TMEM8B: variants seen among roughly 807,000 people sequenced by gnomAD.
TMEM8B encodes nasopharyngeal carcinoma expressed 6.
Under a neutral mutation model 49.3 loss-of-function variants are expected in TMEM8B, and 29 were observed. The observed-to-expected ratio is 0.59, with a 90% CI of 0.44 to 0.80. The LOEUF is 0.80. TMEM8B is among the 30% of genes least tolerant of loss of function. TMEM8B has a pLI of 0.00. For missense variants in TMEM8B, 575 were observed against 658.5 expected (o/e 0.87, Z 1.39); for synonymous variants, 264 against 272.8 (o/e 0.97, Z 0.32).
intron 10 of TMEM8B, among the ~76,000 whole-genome samples, chr9:35,851,076 T>G (rs1041994411): frequency 6.6e-6 from 1 of 152,204 alleles, no homozygotes; most frequent in Admixed American, 6.5e-5. Flanking sequence ...TAAACCAGTC[T>G]CTTAGGTGTA....
Position 35,861,795 on chromosome 9 carries a change from CA to C in TMEM8B, c.*7956del, listed in dbSNP as rs1275951745. 1 of 152,270 alleles carries C rather than the reference CA, an allele frequency of 6.6e-6. No individual in the cohort carries two copies. The highest frequency in any genetic ancestry group is 1.5e-5 in the Non-Finnish European group (1 of 68,084). 9.4% of individuals were successfully genotyped at this position (152,270 alleles called of 1,614,324 possible). A position where few individuals can be genotyped will look rare whatever the true frequency, so the allele number is the denominator to read the frequency against. On this transcript the variant is annotated 3_prime_UTR_variant, in exon 13 of 13. Coordinates refer to ENST00000643932, the MANE Select transcript of TMEM8B (RefSeq NM_001042590.4). The stretch of plus-strand genomic sequence containing the variant: ...CTGGATGGAGGATGGCATCCATCAT[CA>C]GCTACAGGTGCCTCCTCTATCTACA...
chr9:35,851,627 T>G (rs1038095126), intron 10 of TMEM8B, among the ~76,000 whole-genome samples: 5 of 152,214 alleles, frequency 3.3e-5, no homozygotes, highest in African/African-American at 1.2e-4. Flanking sequence ...AGTCTCTTTT[T>G]GCAGGAGCAA....
At chr9:35,851,243 C>T (rs1486402156) in intron 10 of TMEM8B, among the ~76,000 whole-genome samples, 1 of 150,844 alleles carries the variant, frequency 6.6e-6, no homozygotes, top group Non-Finnish European at 1.5e-5. Flanking sequence ...CTGCCCCCCA[C>T]CCCCGCCAAT....
chr9:35,831,392 G>C (rs1220414471), intron 1 of TMEM8B, among the ~76,000 whole-genome samples: 1 of 152,192 alleles, frequency 6.6e-6, no homozygotes, highest in Non-Finnish European at 1.5e-5. Flanking sequence ...TGGGGCTGGA[G>C]ACCCTTTCTC....
chr9:35,833,479 T>C (rs1196461185), intron 1 of TMEM8B: 1 of 411,108 alleles, frequency 2.4e-6, no homozygotes, highest in Non-Finnish European at 3.3e-6. Context: ...CTGTGACAGC[T>C]ATTCTAGTCC....
chr9:35,829,471 C>T lies in TMEM8B; in HGVS notation c.24C>T (p.Pro8=), dbSNP rs1245702667. 2 of 368,170 alleles carry T rather than the reference C, an allele frequency of 5.4e-6. No homozygotes were observed. The highest frequency in any genetic ancestry group is 9.7e-6 in the Non-Finnish European group (2 of 206,708). The allele number at this position is 368,170 out of a possible 1,614,324, so 22.8% of individuals were successfully genotyped here. A position where few individuals can be genotyped will look rare whatever the true frequency, so the allele number is the denominator to read the frequency against. Residue 8 remains proline (P), a synonymous_variant, in exon 1 of 13, where the codon CCC becomes CCT. Transcript: ENST00000643932. Reference sequence around the variant, plus strand: ...CCATGGCCCAGCCCTTGTCCCGGCCCCTCGTCCTATCCCAATCCCCGCCTT... The same window carrying T: ...CCATGGCCCAGCCCTTGTCCCGGCCTCTCGTCCTATCCCAATCCCCGCCTT... The part of the protein sequence containing the change: MAQPLSR[P]LVLSQSPPWP...
chr9:35,842,987 C>G lies in TMEM8B; in HGVS notation c.1635+270C>G, dbSNP rs183046180. Among the ~76,000 whole-genome samples, 1 of 152,310 alleles carries G rather than the reference C, an allele frequency of 6.6e-6. No homozygotes were observed. The highest frequency in any genetic ancestry group is 2.4e-5 in the African/African-American group (1 of 41,554). On this transcript the variant is annotated intron_variant, in intron 6 of 12. Transcript: ENST00000643932. This position sits in a 1 kb window ranked among gnomAD's most constrained non-coding sequence, Gnocchi z 5.6. ...CACTTCCTGCTCATTACTGGCCTTT[C>G]ACTACGGTAGTTGTTAACCTTTTCT...
In TMEM8B at chr9:35,829,280, A is replaced by T. The variant is rs2132173584; in HGVS notation, c.-168A>T. 1 of 360,178 alleles carries T rather than the reference A, an allele frequency of 2.8e-6. No homozygotes were observed. The highest frequency in any genetic ancestry group is 1.5e-4 in the South Asian group (1 of 6,776). The allele number at this position is 360,178 out of a possible 1,614,324, so 22.3% of individuals were successfully genotyped here. ...CGCGGGGCCTGGTTATCGCCGGTTC[A>T]GCGCAGCCCGGAGTCGCCCAGGCCT... On this transcript the variant is annotated 5_prime_UTR_variant, in exon 1 of 13. Coordinates refer to ENST00000643932, the MANE Select transcript of TMEM8B (RefSeq NM_001042590.4).
chr9:35,841,012 G>T lies in TMEM8B; in HGVS notation c.907-122G>T. On this transcript the variant is annotated intron_variant, in intron 3 of 12. Coordinates refer to ENST00000643932, the MANE Select transcript of TMEM8B (RefSeq NM_001042590.4). This position sits in a 1 kb window ranked among gnomAD's most constrained non-coding sequence, Gnocchi z 5.9. ...GGAATTTAGAGAGACCTGGGTTAGA[G>T]GCCTGGGAGTGGTGGCCGGGGCGGG... 1 of 410,706 alleles carries T rather than the reference G, an allele frequency of 2.4e-6. No individual in the cohort carries two copies. The allele number at this position is 410,706 out of a possible 1,614,324, so 25.4% of individuals were successfully genotyped here.
chr9:35,835,197 C>T lies in TMEM8B; in HGVS notation c.885C>T (p.Ala295=), dbSNP rs1404377657. The change falls in exon 3 of 13, where the codon GCC becomes GCT. Residue 295 remains alanine, a synonymous_variant. Transcript: ENST00000643932. ...DWFLAAHLPQ[A]HGHISVKGLQ... ...TCTTGGCTGCCCACCTTCCCCAGGC[C>T]CACGGCCACATCTCTGTCAAGGTGG... The T allele has an allele frequency of 4.8e-6, 2 of 415,810 alleles. No homozygotes were observed. The highest frequency in any genetic ancestry group is 7.1e-5 in the East Asian group (2 of 28,078). 25.8% of individuals were successfully genotyped at this position (415,810 alleles called of 1,614,324 possible). A position where few individuals can be genotyped will look rare whatever the true frequency, so the allele number is the denominator to read the frequency against.
intron 3 of TMEM8B, among the ~76,000 whole-genome samples, chr9:35,836,607 G>A (rs1414798989): frequency 6.6e-6 from 1 of 152,204 alleles, no homozygotes; most frequent in East Asian, 1.9e-4. Flanking sequence ...TACCAGATTG[G>A]GACAATGGGG....
Position 35,855,775 on chromosome 9 carries a change from A to G in TMEM8B, c.*1935A>G, listed in dbSNP as rs1347425198. On this transcript the variant is annotated 3_prime_UTR_variant, in exon 13 of 13. Transcript: ENST00000643932. Reference sequence around the variant, plus strand: ...CTTTTGAAACCCAAAAGCCAGGAAAACATGCCTTTGTTATCTGCTTTCTGC... The same window carrying G: ...CTTTTGAAACCCAAAAGCCAGGAAAGCATGCCTTTGTTATCTGCTTTCTGC... The G allele has an allele frequency of 6.6e-6, 1 of 152,228 alleles. No individual in the cohort carries two copies. The allele number at this position is 152,228 out of a possible 1,614,324, so 9.4% of individuals were successfully genotyped here.
chr9:35,846,077 A>G lies in TMEM8B; in HGVS notation c.1729+9A>G, dbSNP rs1482162093. The G allele has an allele frequency of 6.2e-7, 1 of 1,604,284 alleles. No homozygotes were observed. Among genetic ancestry groups the G allele is most frequent in the Non-Finnish European group, 8.5e-7 (1 of 1,177,428 alleles). ...AGTGACCTGTTCCAAAGGTGAGGTGAGGAATGGGGGAGGAGAGGAAGCTGC... is the reference window on the plus strand; with the variant it reads ...AGTGACCTGTTCCAAAGGTGAGGTGGGGAATGGGGGAGGAGAGGAAGCTGC... On this transcript the variant is annotated intron_variant, in intron 7 of 12. Coordinates refer to ENST00000643932, the MANE Select transcript of TMEM8B (RefSeq NM_001042590.4).
chr9:35,860,590 T>C lies in TMEM8B; in HGVS notation c.*6750T>C, dbSNP rs1045062120. 2.6e-5 allele frequency: 4 copies of C among 152,182 alleles called. No homozygotes were observed. Among genetic ancestry groups the C allele is most frequent in the African/African-American group, 9.7e-5 (4 of 41,450 alleles). 9.4% of individuals were successfully genotyped at this position (152,182 alleles called of 1,614,324 possible). On this transcript the variant is annotated 3_prime_UTR_variant, in exon 13 of 13. Transcript: ENST00000643932. ...TGTTCCTTGGGCCATGAAGATCAAA[T>C]ATTTCAGCCCCATAGGATGTGTAAG...
At position 35,829,540 on chromosome 9, in the gene TMEM8B, G is replaced by A; in HGVS notation, c.93G>A (p.Gln31=). The change falls in exon 1 of 13, where the codon CAG becomes CAA. Residue 31 remains glutamine, a synonymous_variant. Coordinates refer to ENST00000643932, the MANE Select transcript of TMEM8B (RefSeq NM_001042590.4). ...PPSPRFPHRP[Q]PLPGSPSRTP... ...CGCCCCGCTTCCCACATCGGCCCCA[G>A]CCCCTGCCTGGGTCCCCATCCAGGA... The A allele has an allele frequency of 1.6e-5, 2 of 125,868 alleles. No individual in the cohort carries two copies. The highest frequency in any genetic ancestry group is 3.0e-5 in the Non-Finnish European group (2 of 66,662). The allele number at this position is 125,868 out of a possible 1,614,324, so 7.8% of individuals were successfully genotyped here.
Position 35,853,320 on chromosome 9 carries a change from A to G in TMEM8B, c.2439+63A>G, listed in dbSNP as rs1010630834. Reference sequence around the variant, plus strand: ...AGGACTTGGGTGCTGGGCCCCAGGTATCTGGTCCCCAGTTTAAGGTGGGCT... The same window carrying G: ...AGGACTTGGGTGCTGGGCCCCAGGTGTCTGGTCCCCAGTTTAAGGTGGGCT... On this transcript the variant is annotated intron_variant, in intron 12 of 12. Coordinates refer to ENST00000643932, the MANE Select transcript of TMEM8B (RefSeq NM_001042590.4). The surrounding 1 kb of genome is among the most constrained non-coding windows in gnomAD (Gnocchi z 4.2). 1 of 1,492,482 alleles carries G rather than the reference A, an allele frequency of 6.7e-7. No individual in the cohort carries two copies. Among genetic ancestry groups the G allele is most frequent in the Non-Finnish European group, 9.3e-7 (1 of 1,075,078 alleles). 92.5% of individuals were successfully genotyped at this position (1,492,482 alleles called of 1,614,324 possible). A position where few individuals can be genotyped will look rare whatever the true frequency, so the allele number is the denominator to read the frequency against.
rs1372158502 is a variant in TMEM8B at position 35,834,557 on chromosome 9, C to T, written c.605C>T (p.Pro202Leu). The T allele has an allele frequency of 2.4e-6, 1 of 416,442 alleles. No individual in the cohort carries two copies. Among genetic ancestry groups the T allele is most frequent in the Non-Finnish European group, 4.4e-6 (1 of 226,594 alleles). The allele number at this position is 416,442 out of a possible 1,614,324, so 25.8% of individuals were successfully genotyped here. Reference protein sequence around the residue: ...ASTELFHFHVPEDTFLAVWNL... With the variant: ...ASTELFHFHVLEDTFLAVWNL... ...ACCGAGCTCTTCCACTTCCATGTTC[C>T]TGAGGACACATTCCTGGCTGTTTGG... The change falls in exon 2 of 13, where the codon CCT becomes CTT. Residue 202 changes from proline (P) to leucine (L), a missense_variant. Coordinates refer to ENST00000643932, the MANE Select transcript of TMEM8B (RefSeq NM_001042590.4).
Position 35,846,085 on chromosome 9 carries a change from GGGA to G in TMEM8B, c.1729+22_1729+24del, listed in dbSNP as rs1831512722. ...GTTCCAAAGGTGAGGTGAGGAATGG[GGGA>G]GGAGAGGAAGCTGCAGTGTGGGGGT... On this transcript the variant is annotated intron_variant, in intron 7 of 12. Coordinates refer to ENST00000643932, the MANE Select transcript of TMEM8B (RefSeq NM_001042590.4). 6.2e-7 allele frequency: 1 copy of G among 1,613,730 alleles called. No individual in the cohort carries two copies. Among genetic ancestry groups the G allele is most frequent in the African/African-American group, 1.3e-5 (1 of 75,006 alleles).
At chr9:35,839,520 G>A (rs544174301) in intron 3 of TMEM8B, among the ~76,000 whole-genome samples, 3 of 152,314 alleles carry the variant, frequency 2.0e-5, no homozygotes, top group South Asian at 2.1e-4. Flanking sequence ...GGCTGTGCAC[G>A]TTACACAGTT....
Sources: gnomAD v4.1 joint callset for allele counts (sites outside exome capture counted in the v4.1 genomes callset) on GRCh38, gnomAD v4.1.1 for gene constraint, Gnocchi (gnomAD v3.1) non-coding constraint, MANE v1.5 for transcripts, NCBI Gene and HGNC (gene_info 2026-07-23, HGNC 2026-07-21) for gene names.